GART: variants seen among roughly 807,000 people sequenced by gnomAD.
GART encodes trifunctional purine biosynthetic protein adenosine-3.
GART carries 43 observed loss-of-function variants against 107.2 expected under a neutral mutation model. The observed-to-expected ratio is 0.40, with a 90% CI of 0.31 to 0.52. GART has a LOEUF of 0.52. Ranked by LOEUF, GART falls within the 20% of genes least tolerant of loss-of-function variation. GART has a pLI of 0.52. For missense variants in GART, 1,107 were observed against 1,206.5 expected, an observed-to-expected ratio of 0.92 and a Z score of 1.22; for synonymous variants, 434 against 427.0, an observed-to-expected ratio of 1.02 and a Z score of -0.20.
intron 11 of GART, among the ~76,000 whole-genome samples, chr21:33,522,710 G>A (rs865812580): frequency 2.6e-4 from 40 of 152,028 alleles, no homozygotes; most frequent in African/African-American, 1.7e-4. Context: ...CTGTGCACCC[G>A]GCACCATCAT....
At chr21:33,504,784 G>A (rs187396708) in intron 20 of GART, among the ~76,000 whole-genome samples, 1 of 152,120 alleles carries the variant, frequency 6.6e-6, no homozygotes. Context: ...AGGAAGGTGG[G>A]GAGTTCAAGC....
chr21:33,533,090 T>C (rs2085224477), intron 4 of GART, among the ~76,000 whole-genome samples: 2 of 152,214 alleles, frequency 1.3e-5, no homozygotes, highest in Non-Finnish European at 2.9e-5. Context: ...CACTCATTAA[T>C]TGCTCAATGC....
intron 14 of GART, among the ~76,000 whole-genome samples, chr21:33,518,058 T>C (rs1034411936): frequency 6.6e-6 from 1 of 152,252 alleles, no homozygotes; most frequent in African/African-American, 2.4e-5. Flanking sequence ...TTACTTACAA[T>C]TATATCATGT....
intron 7 of GART, among the ~76,000 whole-genome samples, chr21:33,529,352 T>A (rs534979844): frequency 7.9e-5 from 12 of 152,184 alleles, no homozygotes; most frequent in African/African-American, 2.9e-4. Context: ...TATTACCAAA[T>A]GGTAGTTTTA....
At chr21:33,512,309 A>G (rs1374891509) in intron 16 of GART, among the ~76,000 whole-genome samples, 3 of 150,964 alleles carry the variant, frequency 2.0e-5, no homozygotes, top group Non-Finnish European at 3.0e-5. Flanking sequence ...AAAAAAAAAA[A>G]AAGAATACAT....
intron 2 of GART, among the ~76,000 whole-genome samples, chr21:33,536,850 T>A (rs1388653035): frequency 6.6e-6 from 1 of 152,220 alleles, no homozygotes; most frequent in Non-Finnish European, 1.5e-5. Context: ...TAGACTGGTG[T>A]GCAATGTAAA....
Position 33,511,476 on chromosome 21 carries a change from G to A in GART, c.2108-18C>T, listed in dbSNP as rs369630591. The A allele has an allele frequency of 9.9e-6, 16 of 1,610,892 alleles. No homozygotes were observed. Among genetic ancestry groups the A allele is most frequent in the Middle Eastern group, 3.4e-4 (2 of 5,952 alleles). On this transcript the variant is annotated intron_variant, in intron 16 of 21. Transcript: ENST00000381815. The stretch of plus-strand genomic sequence containing the variant: ...CTGGGCATCTGAAAAAAATAGACAC[G>A]AATTGTTTGATTTTCCTACCTTCTC...
At chr21:33,532,139 A>C in intron 5 of GART, 1 of 523,620 alleles carries the variant, frequency 1.9e-6, no homozygotes, top group South Asian at 2.5e-5. Context: ...AATTTACTTC[A>C]AAATAATACA....
At chr21:33,506,147 C>CTTT (rs375511825) in intron 18 of GART, 43 bp from the exon 19 acceptor site, 23 of 1,251,986 alleles carry the variant, frequency 1.8e-5, no homozygotes, top group South Asian at 2.9e-5. Context: ...ACTACTACTT[C>CTTT]TTTTTTTTTT....
chr21:33,540,819 T>A (rs2085399483), intron 1 of GART, among the ~76,000 whole-genome samples: 1 of 152,206 alleles, frequency 6.6e-6, no homozygotes, highest in South Asian at 2.1e-4. Flanking sequence ...GCACTTAACC[T>A]TGGGCAGGGT....
At chr21:33,537,566 G>A (rs986030578) in intron 2 of GART, among the ~76,000 whole-genome samples, 1 of 152,192 alleles carries the variant, frequency 6.6e-6, no homozygotes, top group Non-Finnish European at 1.5e-5. Context: ...ATAAACAAAT[G>A]AAATGGGGAT....
Position 33,531,572 on chromosome 21 carries a change from T to G in GART, c.529-15A>C, listed in dbSNP as rs749192092. ...AAGGCTTTCTCCTGATTGTAAGATT[T>G]TTTTTTTTTTTTTTTTTAAAAAAAG... On this transcript the variant is annotated splice_polypyrimidine_tract_variant and intron_variant, in intron 5 of 21. Coordinates refer to ENST00000381815, the MANE Select transcript of GART (RefSeq NM_000819.5). 1.4e-6 allele frequency: 2 copies of G among 1,402,862 alleles called. No individual in the cohort carries two copies. The highest frequency in any genetic ancestry group is 2.3e-5 in the Admixed American group (1 of 43,760). 86.9% of individuals were successfully genotyped at this position (1,402,862 alleles called of 1,614,324 possible). A position where few individuals can be genotyped will look rare whatever the true frequency, so the allele number is the denominator to read the frequency against.
chr21:33,516,410 C>T (rs890529212), intron 16 of GART, among the ~76,000 whole-genome samples: 5 of 152,178 alleles, frequency 3.3e-5, no homozygotes, highest in East Asian at 1.9e-4. Context: ...ACTATTACTA[C>T]GTGCAAATAA....
chr21:33,542,798 C>T (rs560994510), upstream of GART: 1 of 471,066 alleles, frequency 2.1e-6, no homozygotes, highest in South Asian at 2.5e-5. Context: ...TATGCGGACA[C>T]GGTCGCCTCA....
rs919102329 is a variant in GART, at chr21:33,522,215, G to A, written c.1366C>T (p.Pro456Ser). Residue 456 changes from proline (P) to serine (S), a missense_variant, in exon 12 of 22, where the codon CCT becomes TCT. By Grantham distance (74) the Pro-to-Ser change is moderately conservative. Coordinates refer to ENST00000381815, the MANE Select transcript of GART (RefSeq NM_000819.5). ...GATCTGGAAGTGGCTTTTGCTAAAGGCTGAATTTTCTTGACCAGCATATTT... is the reference window on the plus strand; with the variant it reads ...GATCTGGAAGTGGCTTTTGCTAAAGACTGAATTTTCTTGACCAGCATATTT... Reference protein sequence around the residue: ...AGNMLVKKIQPLAKATSRSGC... With the variant: ...AGNMLVKKIQSLAKATSRSGC... The A allele has an allele frequency of 1.2e-6, 2 of 1,613,828 alleles. No individual in the cohort carries two copies. The highest frequency in any genetic ancestry group is 2.2e-5 in the South Asian group (2 of 91,080).
At chr21:33,507,279 G>A (rs1214317749) in intron 18 of GART, among the ~76,000 whole-genome samples, 1 of 152,188 alleles carries the variant, frequency 6.6e-6, no homozygotes. Context: ...ATTAAGTTAA[G>A]TGAAATAAGT....
intron 17 of GART, 184 bp from the exon 18 acceptor site, chr21:33,510,104 A>C (rs1004694374): frequency 8.6e-6 from 5 of 579,650 alleles, no homozygotes; most frequent in African/African-American, 7.5e-5. Flanking sequence ...AACTTCCAAA[A>C]GGTGAACATA....
intron 2 of GART, among the ~76,000 whole-genome samples, chr21:33,535,670 GTCAA>G (rs1375666260): frequency 6.6e-6 from 1 of 152,292 alleles, no homozygotes; most frequent in East Asian, 1.9e-4. Flanking sequence ...GTCTTTTAAT[GTCAA>G]TCAATCAATT....
intron 2 of GART, among the ~76,000 whole-genome samples, chr21:33,536,071 T>C (rs889146905): frequency 6.6e-5 from 10 of 151,784 alleles, no homozygotes; most frequent in African/African-American, 2.4e-4. Flanking sequence ...AGGGTCCCTA[T>C]ACTTAACATG....
Sources: allele counts gnomAD v4.1 joint callset (sites outside exome capture counted in the v4.1 genomes callset), GRCh38; gene constraint gnomAD v4.1.1; transcripts MANE v1.5; gene names NCBI Gene and HGNC (gene_info 2026-07-23, HGNC 2026-07-21).